The following MSI2 variants were observed in gnomAD, a reference collection of about 807,000 sequenced individuals.
MSI2 encodes the protein musashi RNA binding protein 2, also known as RNA-binding protein Musashi homolog 2.
MSI2 carries 17 observed loss-of-function variants against 45.6 expected under a neutral mutation model. That is an observed-to-expected ratio of 0.37 (90% confidence interval 0.26 to 0.56). The LOEUF (loss-of-function observed/expected upper bound fraction) is 0.56. Among genes scored for constraint, MSI2 ranks in the 20% least tolerant of loss-of-function variants. MSI2 has a pLI of 0.77. For synonymous variants in MSI2, 156 were observed against 158.2 expected (o/e 0.99, Z 0.11); for missense variants, 293 against 444.2 (o/e 0.66, Z 3.06).
intron 6 of MSI2, among the ~76,000 whole-genome samples, chr17:57,513,664 G>A (rs2086405996): frequency 6.6e-6 from 1 of 152,150 alleles, no homozygotes; most frequent in South Asian, 2.1e-4. Context: ...AGGGCGGAGG[G>A]GCTCCTTCAC....
intron 8 of MSI2, among the ~76,000 whole-genome samples, chr17:57,603,861 A>G (rs1397617043): frequency 6.6e-6 from 1 of 152,254 alleles, no homozygotes; most frequent in Admixed American, 6.5e-5. Context: ...CTCCTTGTCT[A>G]CAGGGGTCCA....
chr17:57,500,476 A>G (rs1598338551), intron 6 of MSI2, among the ~76,000 whole-genome samples: 1 of 151,314 alleles, frequency 6.6e-6, no homozygotes, highest in South Asian at 2.1e-4. Flanking sequence ...TGGGCTAGCA[A>G]GAGGAGGAGC....
chr17:57,287,008 C>A (rs1310964429), intron 5 of MSI2, among the ~76,000 whole-genome samples: 2 of 151,660 alleles, frequency 1.3e-5, no homozygotes, highest in Admixed American at 6.6e-5. Context: ...TGGCTCGCGC[C>A]GCAGAGAGTT....
At chr17:57,261,675 C>G (rs763607470) in intron 4 of MSI2, among the ~76,000 whole-genome samples, 1 of 152,104 alleles carries the variant, frequency 6.6e-6, no homozygotes, top group Non-Finnish European at 1.5e-5. Flanking sequence ...CCTTTCCCTC[C>G]TGTGTTGTTT....
intron 5 of MSI2, among the ~76,000 whole-genome samples, chr17:57,392,669 A>G (rs1182689745): frequency 6.6e-6 from 1 of 152,198 alleles, no homozygotes; most frequent in Non-Finnish European, 1.5e-5. Flanking sequence ...TTGAAGTTAA[A>G]TTAATTTTAG....
chr17:57,539,731 T>A (rs1432735242), intron 7 of MSI2, among the ~76,000 whole-genome samples: 2 of 104,740 alleles, frequency 1.9e-5, no homozygotes, highest in Non-Finnish European at 4.0e-5. Flanking sequence ...ATAGCCAGAC[T>A]GGCCCTGGTC....
At chr17:57,653,026 C>G (rs559872185) in intron 11 of MSI2, among the ~76,000 whole-genome samples, 1 of 152,180 alleles carries the variant, frequency 6.6e-6, no homozygotes, top group South Asian at 2.1e-4. Flanking sequence ...TGTCCCCCCA[C>G]GCCCCACGGA....
intron 9 of MSI2, among the ~76,000 whole-genome samples, chr17:57,620,457 A>G (rs1195033851): frequency 2.0e-5 from 3 of 152,224 alleles, no homozygotes; most frequent in Non-Finnish European, 4.4e-5. Context: ...CAGAGAAGTT[A>G]AAGTGTGGAA....
At chr17:57,584,287 G>A (rs1489767820) in intron 7 of MSI2, among the ~76,000 whole-genome samples, 1 of 152,186 alleles carries the variant, frequency 6.6e-6, no homozygotes, top group African/African-American at 2.4e-5. Context: ...GTTAAGAACA[G>A]TTCCTTAACA....
At chr17:57,488,990 C>A (rs761337012) in intron 6 of MSI2, among the ~76,000 whole-genome samples, 2 of 152,160 alleles carry the variant, frequency 1.3e-5, no homozygotes, top group Non-Finnish European at 2.9e-5. Context: ...AGGAGCCAGG[C>A]AGTGTCCCGA....
intron 9 of MSI2, among the ~76,000 whole-genome samples, chr17:57,622,683 A>G (rs557298299): frequency 6.6e-6 from 1 of 152,210 alleles, no homozygotes; most frequent in Non-Finnish European, 1.5e-5. Flanking sequence ...AAGAACAGGC[A>G]CTAGGAAGCT....
intron 5 of MSI2, chr17:57,278,408 C>T (rs1909073058): frequency 6.6e-6 from 1 of 152,420 alleles, no homozygotes; most frequent in African/African-American, 2.4e-5. Context: ...TTAACTACTT[C>T]ACTGCAGGAA....
At chr17:57,693,802 CAGTAAAGGCTGT>C in the MSI2 span, among the ~76,000 whole-genome samples, 1 of 152,160 alleles carries the variant, frequency 6.6e-6, no homozygotes, top group Admixed American at 6.5e-5. Flanking sequence ...ATCTTTAGAA[CAGTAAAGGCTGT>C]AGTAAATATG....
At chr17:57,591,109 T>C (rs1255385453) in intron 7 of MSI2, among the ~76,000 whole-genome samples, 1 of 152,184 alleles carries the variant, frequency 6.6e-6, no homozygotes, top group Non-Finnish European at 1.5e-5. Context: ...AGGGAGTCTC[T>C]GGGGCACATA....
At chr17:57,265,017 C>A (rs1257605144) in intron 5 of MSI2, 1 of 152,198 alleles carries the variant, frequency 6.6e-6, no homozygotes, top group Non-Finnish European at 1.5e-5. Flanking sequence ...TTACTCAACC[C>A]CAGTGAGGCA....
intron 13 of MSI2, among the ~76,000 whole-genome samples, chr17:57,678,616 G>A (rs941979687): frequency 3.3e-4 from 51 of 152,318 alleles, no homozygotes; most frequent in African/African-American, 1.2e-3. Context: ...GTGGTGCAGG[G>A]CTTCCTGCCC....
At chr17:57,283,227 A>G (rs1909579091) in intron 5 of MSI2, among the ~76,000 whole-genome samples, 1 of 152,064 alleles carries the variant, frequency 6.6e-6, no homozygotes, top group Non-Finnish European at 1.5e-5. Flanking sequence ...CCATTTCACT[A>G]AGGGCGGAAT....
At chr17:57,633,100 T>A (rs1353757072) in intron 10 of MSI2, 1 of 1,031,826 alleles carries the variant, frequency 9.7e-7, no homozygotes, top group South Asian at 4.6e-5. Flanking sequence ...CTGTAAATAG[T>A]TCATCTGTGC....
chr17:57,340,748 C>T (rs1349107199), intron 5 of MSI2, among the ~76,000 whole-genome samples: 1 of 152,160 alleles, frequency 6.6e-6, no homozygotes, highest in East Asian at 1.9e-4. Flanking sequence ...CCTTCTGACT[C>T]TGGGGTAGAC....
Sources: allele counts gnomAD v4.1 joint callset (sites outside exome capture counted in the v4.1 genomes callset), GRCh38; gene constraint gnomAD v4.1.1; transcripts MANE v1.5; gene names NCBI Gene and HGNC (gene_info 2026-07-23, HGNC 2026-07-21).